RFX7: variants seen among roughly 807,000 people sequenced by gnomAD.
The protein encoded by RFX7 is regulatory factor X7, also known as DNA-binding protein RFX7.
Under a neutral mutation model 111.8 loss-of-function variants are expected in RFX7, and 26 were observed. The observed-to-expected ratio is 0.23, with a 90% CI of 0.17 to 0.32. The LOEUF is 0.32. Ranked by LOEUF, RFX7 falls within the 10% of genes least tolerant of loss-of-function variation. The pLI is 1.00. For synonymous variants in RFX7, 624 were observed against 624.4 expected (o/e 1.00, Z 0.01); for missense variants, 1,573 against 1,772.9 (o/e 0.89, Z 2.02).
In RFX7 at chr15:56,114,220, C is replaced by T. The variant is rs145981424; in HGVS notation, c.402-10550G>A. Among the ~76,000 whole-genome samples, 248 of 151,876 alleles carry T rather than the reference C, an allele frequency of 1.6e-3. 2 individuals are homozygous for T. Among genetic ancestry groups the T allele is most frequent in the African/African-American group, 5.7e-3 (238 of 41,408 alleles). On this transcript the variant is annotated intron_variant, in intron 5 of 9. Coordinates refer to ENST00000559447, the MANE Select transcript of RFX7 (RefSeq NM_022841.7). The stretch of plus-strand genomic sequence containing the variant: ...GGAGTTCAGGACCAGCCTGGGCAAC[C>T]TGGTGAAACCCTGTCTCTATTAAAA...
intron 2 of RFX7, among the ~76,000 whole-genome samples, chr15:56,214,302 A>G (rs2043341113): frequency 6.6e-6 from 1 of 151,734 alleles, no homozygotes; most frequent in South Asian, 2.1e-4. Context: ...TTAAAATTTC[A>G]TTGAATTTAT....
Position 56,087,491 on chromosome 15 carries a change from GA to G in RFX7, c.*5853del, listed in dbSNP as rs1265910161. On this transcript the variant is annotated 3_prime_UTR_variant, in exon 10 of 10. Coordinates refer to ENST00000559447, the MANE Select transcript of RFX7 (RefSeq NM_022841.7). Reference sequence around the variant, plus strand: ...CATCACATTTGCATTCCAGCCAGCAGAGAGGAAGGACAAGAACACTGCAAAG... The same window carrying G: ...CATCACATTTGCATTCCAGCCAGCAGGAGGAAGGACAAGAACACTGCAAAG... 2 of 456,574 alleles carry G rather than the reference GA, an allele frequency of 4.4e-6. No individual in the cohort carries two copies. The highest frequency in any genetic ancestry group is 4.0e-5 in the African/African-American group (2 of 50,058). 28.3% of individuals were successfully genotyped at this position (456,574 alleles called of 1,614,324 possible).
chr15:56,173,298 C>G (rs1353631075), intron 3 of RFX7, among the ~76,000 whole-genome samples: 2 of 152,160 alleles, frequency 1.3e-5, no homozygotes, highest in Non-Finnish European at 2.9e-5. Context: ...TGTTCCAGTT[C>G]TGCTGAAACA....
intron 5 of RFX7, among the ~76,000 whole-genome samples, chr15:56,125,580 C>T (rs938769657): frequency 5.6e-4 from 83 of 148,130 alleles, no homozygotes; most frequent in African/African-American, 1.9e-3. Flanking sequence ...CTTGGTTAAG[C>T]GTATTCTGAG....
intron 2 of RFX7, among the ~76,000 whole-genome samples, chr15:56,212,012 A>C (rs933126052): frequency 3.9e-5 from 6 of 152,122 alleles, no homozygotes; most frequent in African/African-American, 1.4e-4. Context: ...CACTTCATGA[A>C]ATTTACTCAA....
At chr15:56,228,682 T>C (rs1488739046) in intron 2 of RFX7, among the ~76,000 whole-genome samples, 1 of 152,164 alleles carries the variant, frequency 6.6e-6, no homozygotes, top group Non-Finnish European at 1.5e-5. Flanking sequence ...AATGAGGCTG[T>C]AGGATTATAT....
In RFX7 at chr15:56,135,372, T is replaced by G. The variant is rs1470040389; in HGVS notation, c.401+7406A>C. Among the ~76,000 whole-genome samples, 3 of 152,364 alleles carry G rather than the reference T, an allele frequency of 2.0e-5. No homozygotes were observed. The East Asian group carries it at 5.8e-4, about 29-fold the overall frequency. On this transcript the variant is annotated intron_variant, in intron 5 of 9. Transcript: ENST00000559447. ...GCATTTCTCTGATGGCCAGTGATGA[T>G]GAGCATTTCTTCATGTGTTTTTTGG...
chr15:56,109,736 C>T (rs1275230656), intron 5 of RFX7, among the ~76,000 whole-genome samples: 1 of 151,428 alleles, frequency 6.6e-6, no homozygotes, highest in Non-Finnish European at 1.5e-5. Flanking sequence ...TGCCCGGCCG[C>T]CCCGTCTGAG....
At chr15:56,240,900 A>G (rs79647377) in intron 2 of RFX7, among the ~76,000 whole-genome samples, 10,216 of 152,212 alleles carry the variant, frequency 0.067, 461 homozygotes, top group Admixed American at 0.11. Context: ...ATGGTAGTAA[A>G]GGAGTTTTCA....
At chr15:56,198,550 A>T (rs1411797327) in intron 2 of RFX7, among the ~76,000 whole-genome samples, 1 of 152,192 alleles carries the variant, frequency 6.6e-6, no homozygotes, top group Non-Finnish European at 1.5e-5. Context: ...CCATGAAGAT[A>T]AAATCAGCAA....
intron 3 of RFX7, among the ~76,000 whole-genome samples, chr15:56,147,961 T>G (rs1252469982): frequency 1.3e-5 from 2 of 152,338 alleles, no homozygotes; most frequent in African/African-American, 4.8e-5. Context: ...ACAACATTTG[T>G]AGACTTAAAA....
At chr15:56,129,871 G>A (rs1007233643) in intron 5 of RFX7, among the ~76,000 whole-genome samples, 9 of 152,020 alleles carry the variant, frequency 5.9e-5, no homozygotes, top group Admixed American at 2.0e-4. Context: ...GATCTTTTTG[G>A]CCATGGTACA....
At chr15:56,101,663 A>G in intron 7 of RFX7, 97 bp from the exon 8 acceptor site, 1 of 1,145,522 alleles carries the variant, frequency 8.7e-7, no homozygotes, top group Non-Finnish European at 1.2e-6. Flanking sequence ...AAGATACAAT[A>G]TAAATCTGTG....
At chr15:56,244,868 C>G (rs1344508102), upstream of RFX7, among the ~76,000 whole-genome samples, 4 of 149,750 alleles carry the variant, frequency 2.7e-5, no homozygotes, top group Non-Finnish European at 3.0e-5. Flanking sequence ...ACAAATAAGT[C>G]AGTCTCCTTT....
intron 2 of RFX7, chr15:56,189,732 T>C (rs1286623758): frequency 6.6e-6 from 1 of 152,066 alleles, no homozygotes; most frequent in Non-Finnish European, 1.5e-5. Context: ...AAAACCCAAA[T>C]ATTGGCAAGG....
At chr15:56,201,034 G>GTTTAA (rs1341273012) in intron 2 of RFX7, among the ~76,000 whole-genome samples, 1 of 152,112 alleles carries the variant, frequency 6.6e-6, no homozygotes, top group African/African-American at 2.4e-5. Flanking sequence ...GAGAGCTGAA[G>GTTTAA]TTAAAATGAG....
At chr15:56,168,905 G>A (rs2042812301) in intron 3 of RFX7, among the ~76,000 whole-genome samples, 1 of 152,154 alleles carries the variant, frequency 6.6e-6, no homozygotes, top group Non-Finnish European at 1.5e-5. Context: ...AAGAGACTAG[G>A]ACTCTGGTGG....
chr15:56,235,300 T>A (rs902797761), intron 2 of RFX7, among the ~76,000 whole-genome samples: 3 of 151,962 alleles, frequency 2.0e-5, no homozygotes, highest in Non-Finnish European at 2.9e-5. Flanking sequence ...CTCAGCCTCC[T>A]GAGTAGCTGG....
chr15:56,115,019 T>G (rs577767757), intron 5 of RFX7, among the ~76,000 whole-genome samples: 122 of 152,298 alleles, frequency 8.0e-4, no homozygotes, highest in African/African-American at 2.8e-3. Flanking sequence ...TTTATTTTTA[T>G]TTTATTTTTG....
Sources: gnomAD v4.1 joint callset for allele counts (sites outside exome capture counted in the v4.1 genomes callset) on GRCh38, gnomAD v4.1.1 for gene constraint, MANE v1.5 for transcripts, NCBI Gene and HGNC (gene_info 2026-07-23, HGNC 2026-07-21) for gene names.